AFF4: variants seen among roughly 807,000 people sequenced by gnomAD.
AFF4 encodes the protein ALF transcription elongation factor 4, also known as AF4/FMR2 family member 4.
AFF4 carries 13 observed loss-of-function variants against 124.8 expected under a neutral mutation model. The observed-to-expected ratio is 0.10, with a 90% CI of 0.07 to 0.17. AFF4 has a LOEUF of 0.17. AFF4 is among the 10% of genes least tolerant of loss of function. The pLI, the probability that AFF4 is intolerant of heterozygous loss-of-function variation, is 1.00. For missense variants in AFF4, 1,092 were observed against 1,403.8 expected, an observed-to-expected ratio of 0.78 and a Z score of 3.55; for synonymous variants, 477 against 496.1, an observed-to-expected ratio of 0.96 and a Z score of 0.51.
chr5:132,936,266 CAAAAAAAAAAAAAAA>C (rs747936348), intron 2 of AFF4, among the ~76,000 whole-genome samples: 3 of 45,460 alleles, frequency 6.6e-5, no homozygotes, highest in Non-Finnish European at 1.2e-4. Context: ...GACTCCGTCT[CAAAAAAAAAAAAAAA>C]AAAAAAAAAA....
At chr5:132,923,349 G>A (rs1033554860) in intron 5 of AFF4, among the ~76,000 whole-genome samples, 3 of 142,542 alleles carry the variant, frequency 2.1e-5, no homozygotes, top group Admixed American at 7.5e-5. Flanking sequence ...AGACCCTGTC[G>A]CAAAGAAAGA....
intron 7 of AFF4, among the ~76,000 whole-genome samples, chr5:132,902,097 G>C (rs532555968): frequency 1.3e-5 from 2 of 152,284 alleles, no homozygotes; most frequent in African/African-American, 4.8e-5. Flanking sequence ...GCCCAGGCTG[G>C]AGTGAAGTGG....
intron 4 of AFF4, among the ~76,000 whole-genome samples, chr5:132,931,536 G>A (rs1050011145): frequency 2.0e-5 from 3 of 152,232 alleles, no homozygotes; most frequent in Non-Finnish European, 4.4e-5. Context: ...TGGTTTGACT[G>A]ATAACTACTG....
At chr5:132,950,282 C>T (rs1333043466) in intron 1 of AFF4, among the ~76,000 whole-genome samples, 1 of 152,134 alleles carries the variant, frequency 6.6e-6, no homozygotes, top group Non-Finnish European at 1.5e-5. Context: ...TCGAGACCAG[C>T]CTGACCAACA....
At position 132,897,302 on chromosome 5, in the gene AFF4, C is replaced by T. The variant is rs749445353; in HGVS notation, c.1390-62G>A. On this transcript the variant is annotated intron_variant, in intron 10 of 20. Coordinates refer to ENST00000265343, the MANE Select transcript of AFF4 (RefSeq NM_014423.4). ...CTGAATGCTTTTTTCGTTCTCCCTC[C>T]TTTACAACCTCAAAGAAGAGGAAAA... is the stretch of plus-strand genomic sequence containing the variant. The T allele has an allele frequency of 6.5e-6, 10 of 1,529,930 alleles. No homozygotes were observed. The Admixed American group carries it at 1.3e-4, about 20-fold the overall frequency. The allele number at this position is 1,529,930 out of a possible 1,614,324, so 94.8% of individuals were successfully genotyped here. A position where few individuals can be genotyped will look rare whatever the true frequency, so the allele number is the denominator to read the frequency against.
chr5:132,946,861 C>T (rs1189944497), intron 1 of AFF4, among the ~76,000 whole-genome samples: 2 of 149,136 alleles, frequency 1.3e-5, no homozygotes, highest in Non-Finnish European at 3.0e-5. Context: ...GAATTAAATG[C>T]ATTCTATAAT....
rs1277818232 is a variant in AFF4, at chr5:132,943,170, CTTCT to C, written c.-4-5981_-4-5978del. 4.0e-5 allele frequency: 7 copies of C among 174,944 alleles called. No homozygotes were observed. In the East Asian group the frequency reaches 1.0e-3, roughly 25 times the overall value. The allele number at this position is 174,944 out of a possible 1,614,324, so 10.8% of individuals were successfully genotyped here. On this transcript the variant is annotated intron_variant, in intron 1 of 20. Transcript: ENST00000265343. ...CTGGTGAATTTGAAGCTGGTATCTCCTTCTGACTTACACACTGGGTGTGAAACAG... is the reference window on the plus strand; with the variant it reads ...CTGGTGAATTTGAAGCTGGTATCTCCGACTTACACACTGGGTGTGAAACAG...
At chr5:132,954,587 G>A (rs1222999715) in intron 1 of AFF4, among the ~76,000 whole-genome samples, 4 of 134,222 alleles carry the variant, frequency 3.0e-5, no homozygotes, top group East Asian at 4.5e-4. Flanking sequence ...TCGCTCTGTC[G>A]CCCAGGCTGG....
At chr5:132,920,853 C>T (rs546367014) in intron 5 of AFF4, among the ~76,000 whole-genome samples, 27 of 152,182 alleles carry the variant, frequency 1.8e-4, no homozygotes, top group Non-Finnish European at 2.1e-4. Flanking sequence ...TCAGGCCGGG[C>T]GCAGTGGCTC....
At chr5:132,911,198 A>ACAT (rs1760784974) in intron 5 of AFF4, among the ~76,000 whole-genome samples, 1 of 152,154 alleles carries the variant, frequency 6.6e-6, no homozygotes, top group Non-Finnish European at 1.5e-5. Flanking sequence ...ACACTCCCCG[A>ACAT]CATCACCATA....
At chr5:132,908,632 G>GT (rs980247445) in intron 5 of AFF4, among the ~76,000 whole-genome samples, 2 of 150,826 alleles carry the variant, frequency 1.3e-5, no homozygotes, top group South Asian at 2.1e-4. Flanking sequence ...TAGAACTGTG[G>GT]TTTTTTGGTA....
chr5:132,904,556 T>C (rs1167511399), intron 5 of AFF4, 152 bp from the exon 6 acceptor site: 1 of 646,802 alleles, frequency 1.5e-6, no homozygotes. Flanking sequence ...AATTTTGGGA[T>C]CAATAATGGA....
At chr5:132,940,087 C>T (rs1339328104) in intron 1 of AFF4, among the ~76,000 whole-genome samples, 1 of 152,106 alleles carries the variant, frequency 6.6e-6, no homozygotes, top group Non-Finnish European at 1.5e-5. Context: ...ATAATCCCAG[C>T]TACTCAGGAG....
intron 4 of AFF4, 121 bp from the exon 5 acceptor site, chr5:132,927,328 C>T (rs1414372759): frequency 3.9e-6 from 3 of 776,950 alleles, no homozygotes; most frequent in Non-Finnish European, 6.3e-6. Context: ...ATTCTACATA[C>T]TTAGTCAATA....
chr5:132,893,620 C>A (rs532551974), intron 11 of AFF4, among the ~76,000 whole-genome samples: 2 of 152,024 alleles, frequency 1.3e-5, no homozygotes, highest in African/African-American at 4.8e-5. Flanking sequence ...CAGGTTCAAG[C>A]GATTCTCCTG....
intron 1 of AFF4, among the ~76,000 whole-genome samples, chr5:132,959,757 C>CTTTTTTTTTTTT (rs1163731664): frequency 2.8e-5 from 2 of 71,514 alleles, no homozygotes; most frequent in Non-Finnish European, 4.9e-5. Flanking sequence ...GAGTGCTTTT[C>CTTTTTTTTTTTT]TTTTTTTTTT....
chr5:132,918,888 G>A (rs200641232), intron 5 of AFF4, among the ~76,000 whole-genome samples: 8 of 138,708 alleles, frequency 5.8e-5, no homozygotes, highest in African/African-American at 2.1e-4. Context: ...TTGTTTGTTT[G>A]TTTTTTTTTT....
At chr5:132,911,918 G>A (rs577771361) in intron 5 of AFF4, among the ~76,000 whole-genome samples, 1 of 151,212 alleles carries the variant, frequency 6.6e-6, no homozygotes, top group East Asian at 1.9e-4. Context: ...AACAATGCAA[G>A]CTGGCAGATA....
intron 2 of AFF4, among the ~76,000 whole-genome samples, chr5:132,936,471 C>T (rs1010003080): frequency 6.6e-6 from 1 of 151,964 alleles, no homozygotes; most frequent in Non-Finnish European, 1.5e-5. Context: ...ATACTGAAGA[C>T]ACATTTATTC....
Sources: allele counts gnomAD v4.1 joint callset (sites outside exome capture counted in the v4.1 genomes callset), GRCh38; gene constraint gnomAD v4.1.1; transcripts MANE v1.5; gene names NCBI Gene and HGNC (gene_info 2026-07-23, HGNC 2026-07-21).